Variants in SLC24A5 observed in about 807,000 individuals in gnomAD.
The protein encoded by SLC24A5 is solute carrier family 24 member 5, also known as sodium/potassium/calcium exchanger 5.
In SLC24A5, 46 loss-of-function variants were observed where a neutral mutation model predicts 51.6. The ratio of observed to expected loss-of-function variants is 0.89; its 90% CI spans 0.70 to 1.14. The LOEUF is 1.14. Ranked by LOEUF, SLC24A5 falls within the 50% of genes most tolerant of loss-of-function variation. The pLI is 0.00. For missense variants in SLC24A5, 581 were observed against 604.1 expected (o/e 0.96, Z 0.40); for synonymous variants, 230 against 214.9 (o/e 1.07, Z -0.62).
At chr15:48,130,650 T>C (rs1695825856) in intron 2 of SLC24A5, among the ~76,000 whole-genome samples, 1 of 152,164 alleles carries the variant, frequency 6.6e-6, no homozygotes, top group Admixed American at 6.6e-5. Flanking sequence ...TCCACCTATT[T>C]ATTATCTAGC....
At position 48,134,361 on chromosome 15, in the gene SLC24A5, C is replaced by T. The variant is rs200311950; in HGVS notation, c.385+20C>T. On this transcript the variant is annotated intron_variant, in intron 3 of 8. Coordinates refer to ENST00000341459, the MANE Select transcript of SLC24A5 (RefSeq NM_205850.3). ...TCCTAGGTAAATATTGCTCCTTATA[C>T]TTCTTGCTTACTCAGTGTGATTTTT... is the stretch of plus-strand genomic sequence containing the variant. 6.5e-5 allele frequency: 104 copies of T among 1,612,190 alleles called. No homozygotes were observed. In the East Asian group the frequency reaches 2.2e-3, roughly 34 times the overall value.
Position 48,134,482 on chromosome 15 carries a change from T to C in SLC24A5, c.433T>C (p.Ser145Pro), listed in dbSNP as rs1333249603. 1 of 1,613,622 alleles carries C rather than the reference T, an allele frequency of 6.2e-7. No homozygotes were observed. The highest frequency in any genetic ancestry group is 8.5e-7 in the Non-Finnish European group (1 of 1,179,602). Residue 145 changes from serine (S) to proline (P), a missense_variant, in exon 4 of 9, where the codon TCT (serine) becomes CCT (proline). By Grantham distance (74) the Ser-to-Pro change is moderately conservative. Coordinates refer to ENST00000341459, the MANE Select transcript of SLC24A5 (RefSeq NM_205850.3). ...GDIGISTILG[S>P]AIYNLLGICA... is the part of the protein sequence containing the mutation. ...TATTGGCATTAGCACCATCCTTGGATCTGCAATTTATAATCTCCTTGGCAT... is the reference window on the plus strand; with the variant it reads ...TATTGGCATTAGCACCATCCTTGGACCTGCAATTTATAATCTCCTTGGCAT...
At chr15:48,137,499 C>T (rs1274086002) in intron 6 of SLC24A5, 4 of 152,156 alleles carry the variant, frequency 2.6e-5, no homozygotes, top group African/African-American at 9.7e-5. Context: ...ATTATTAGAA[C>T]TGTTATCTTA....
chr15:48,134,960 T>C lies in SLC24A5; in HGVS notation c.566T>C (p.Ile189Thr). 1 of 1,611,164 alleles carries C rather than the reference T, an allele frequency of 6.2e-7. No individual in the cohort carries two copies. Among genetic ancestry groups the C allele is most frequent in the South Asian group, 1.1e-5 (1 of 90,720 alleles). Residue 189 changes from isoleucine (I) to threonine (T), a missense_variant, in exon 5 of 9, where the codon ATA becomes ACA. Coordinates refer to ENST00000341459, the MANE Select transcript of SLC24A5 (RefSeq NM_205850.3). ...ATTAGTGCAGCAGCAGTTCTTGGTA[T>C]AATATATGACAACCAAGTTTACTGG... ...YTISAAAVLG[I>T]IYDNQVYWYE...
rs1477629687 is a variant in SLC24A5 at position 48,139,131 on chromosome 15, T to C, written c.1034T>C (p.Ile345Thr). 2 of 1,612,864 alleles carry C rather than the reference T, an allele frequency of 1.2e-6. No homozygotes were observed. Among genetic ancestry groups the C allele is most frequent in the East Asian group, 2.2e-5 (1 of 44,768 alleles). The change falls in exon 7 of 9, where the codon ATA becomes ACA. Residue 345 changes from isoleucine to threonine, a missense_variant. By Grantham distance (89) the Ile-to-Thr change is moderately conservative. Transcript: ENST00000341459. ...VITFFMSAIW[I>T]SAFTYILVWM... is the part of the protein sequence containing the mutation. ...ACCTTTTTCATGTCTGCAATATGGA[T>C]ATCCGCATTTACATATATCCTGGTT...
At position 48,134,947 on chromosome 15, in the gene SLC24A5, G is replaced by A; in HGVS notation, c.553G>A (p.Ala185Thr). The A allele has an allele frequency of 1.2e-6, 2 of 1,612,334 alleles. No homozygotes were observed. The highest frequency in any genetic ancestry group is 1.7e-6 in the Non-Finnish European group (2 of 1,178,784). Residue 185 changes from alanine to threonine, a missense_variant, in exon 5 of 9, where the codon GCA becomes ACA. Physicochemically the swap from Ala to Thr is moderately conservative, Grantham distance 58. Transcript: ENST00000341459. ...TGCAGCGTACACAATTAGTGCAGCA[G>A]CAGTTCTTGGTATAATATATGACAA... is the stretch of plus-strand genomic sequence containing the variant. ...DCAAYTISAA[A>T]VLGIIYDNQV...
intron 1 of SLC24A5, 45 bp downstream of exon 1, chr15:48,121,210 G>A: frequency 6.4e-7 from 1 of 1,557,326 alleles, no homozygotes; most frequent in Non-Finnish European, 8.7e-7. Flanking sequence ...AGCAGCTGCT[G>A]CTGCTGCTAC....
rs377500280 is a variant in SLC24A5 at position 48,141,990 on chromosome 15, T to C, written c.1181-39T>C. ...TGAAGATTATTAATAAAACACAGTA[T>C]TGGTAAGCACATTTTAACAGTATGC... On this transcript the variant is annotated intron_variant, in intron 8 of 8. Transcript: ENST00000341459. The C allele has an allele frequency of 3.6e-5, 51 of 1,425,882 alleles. 2 individuals carry two copies. The highest frequency in any genetic ancestry group is 3.2e-4 in the East Asian group (14 of 43,634). The allele number at this position is 1,425,882 out of a possible 1,614,324, so 88.3% of individuals were successfully genotyped here.
intron 2 of SLC24A5, chr15:48,124,616 A>T (rs1028059534): frequency 1.2e-4 from 19 of 152,196 alleles, no homozygotes; most frequent in African/African-American, 3.9e-4. Context: ...AAAAATAAAT[A>T]AAAAACCTTT....
chr15:48,136,771 A>C lies in SLC24A5; in HGVS notation c.679A>C (p.Lys227Gln). 1 of 1,613,698 alleles carries C rather than the reference A, an allele frequency of 6.2e-7. No homozygotes were observed. The highest frequency in any genetic ancestry group is 8.5e-7 in the Non-Finnish European group (1 of 1,179,814). ...DIKINQYIIK[K>Q]CSPCCACLAK... Reference sequence around the variant, plus strand: ...TAAAATTAACCAATATATTATAAAGAAATGCAGTCCTTGCTGCGCCTGTCT... The same window carrying C: ...TAAAATTAACCAATATATTATAAAGCAATGCAGTCCTTGCTGCGCCTGTCT... Residue 227 changes from lysine to glutamine, a missense_variant, in exon 6 of 9, where the codon AAA becomes CAA. Coordinates refer to ENST00000341459, the MANE Select transcript of SLC24A5 (RefSeq NM_205850.3).
chr15:48,129,906 C>T (rs186711903), intron 2 of SLC24A5, among the ~76,000 whole-genome samples: 176 of 152,132 alleles, frequency 1.2e-3, no homozygotes, highest in Non-Finnish European at 1.8e-3. Context: ...ACTTAAGTCT[C>T]CTATCAAGTT....
chr15:48,141,414 T>A, intron 8 of SLC24A5, 200 bp downstream of exon 8: 1 of 360,788 alleles, frequency 2.8e-6, no homozygotes, highest in Non-Finnish European at 5.2e-6. Context: ...CAGTCTCTAC[T>A]AAAAATACAA....
intron 5 of SLC24A5, 136 bp from the exon 6 acceptor site, chr15:48,136,547 C>CA (rs1270291615): frequency 3.2e-5 from 26 of 819,862 alleles, no homozygotes; most frequent in Non-Finnish European, 4.7e-5. Context: ...ATCTACAAAA[C>CA]AAAAAATATC....
At chr15:48,135,035 T>C (rs771857903) in intron 5 of SLC24A5, 51 bp downstream of exon 5, 1 of 1,431,224 alleles carries the variant, frequency 7.0e-7, no homozygotes, top group South Asian at 1.2e-5. Flanking sequence ...TATGAATTTC[T>C]GATGGTTCAG....
At chr15:48,141,926 G>A (rs776460023) in intron 8 of SLC24A5, 103 bp from the exon 9 acceptor site, 16 of 886,518 alleles carry the variant, frequency 1.8e-5, no homozygotes, top group Admixed American at 5.3e-5. Flanking sequence ...TTTTCAAAAC[G>A]AATCAACAAC....
Position 48,122,017 on chromosome 15 carries a change from C to T in SLC24A5, c.282C>T (p.Ser94=), listed in dbSNP as rs1004754731. The T allele has an allele frequency of 1.2e-6, 2 of 1,614,164 alleles. No homozygotes were observed. Among genetic ancestry groups the T allele is most frequent in the Non-Finnish European group, 1.7e-6 (2 of 1,180,008 alleles). Residue 94 remains serine, a synonymous_variant, in exon 2 of 9, where the codon TCC becomes TCT. Transcript: ENST00000341459. ...SIVCDEYFLP[S]LEIISESLGL... ...TCTGTGATGAATACTTCCTACCCTC[C>T]CTGGAAATCATCAGTGAATGTAAGT...
chr15:48,141,384 C>T (rs747433712), intron 8 of SLC24A5, 170 bp downstream of exon 8: 10 of 468,514 alleles, frequency 2.1e-5, no homozygotes, highest in Non-Finnish European at 3.9e-5. Flanking sequence ...TGAGACCAGC[C>T]TGACCAACAT....
chr15:48,127,151 CAG>C, intron 2 of SLC24A5, among the ~76,000 whole-genome samples: 1 of 152,304 alleles, frequency 6.6e-6, no homozygotes, highest in East Asian at 1.9e-4. Flanking sequence ...AGCTGTGAAA[CAG>C]GGTGATTACA....
intron 1 of SLC24A5, 48 bp downstream of exon 1, chr15:48,121,213 G>T (rs1463680982): frequency 6.4e-7 from 1 of 1,554,480 alleles, no homozygotes; most frequent in Non-Finnish European, 8.7e-7. Context: ...AGCTGCTGCT[G>T]CTGCTACCAC....
Sources: gnomAD v4.1 joint callset for allele counts (sites outside exome capture counted in the v4.1 genomes callset) on GRCh38, gnomAD v4.1.1 for gene constraint, MANE v1.5 for transcripts, NCBI Gene and HGNC (gene_info 2026-07-23, HGNC 2026-07-21) for gene names.